Variants in NXN observed in about 807,000 individuals in gnomAD.
NXN encodes the protein nucleoredoxin 1.
A neutral mutation model predicts 48.6 loss-of-function variants in NXN; 16 were observed. The ratio of observed to expected loss-of-function variants is 0.33; its 90% CI spans 0.22 to 0.50. NXN has a LOEUF of 0.50. NXN is among the 20% of genes least tolerant of loss of function. The probability of loss-of-function intolerance (pLI) is 0.98; values close to 1 mark genes in which losing one functional copy is unlikely to be tolerated. For missense variants in NXN, 492 were observed against 605.5 expected, an observed-to-expected ratio of 0.81 and a Z score of 1.97; for synonymous variants, 281 against 269.6, an observed-to-expected ratio of 1.04 and a Z score of -0.41.
Position 841,407 on chromosome 17 carries a change from C to T in NXN, c.361-15329G>A, listed in dbSNP as rs796410705. Among the ~76,000 whole-genome samples, 119 of 65,600 alleles carry T rather than the reference C, an allele frequency of 1.8e-3. 1 individual carries two copies. Among genetic ancestry groups the T allele is most frequent in the Non-Finnish European group, 3.1e-3 (87 of 27,962 alleles). 43.0% of individuals were successfully genotyped at this position (65,600 alleles called of 152,430 possible). On this transcript the variant is annotated intron_variant, in intron 1 of 7. Coordinates refer to ENST00000336868, the MANE Select transcript of NXN (RefSeq NM_022463.5). ...GCATCTCACGCCGGCGAGCAGGTCC[C>T]CCCTGACCACGGCGCATCTCACACG...
intron 1 of NXN, among the ~76,000 whole-genome samples, chr17:875,562 A>G (rs1000221526): frequency 6.6e-6 from 1 of 151,996 alleles, no homozygotes; most frequent in African/African-American, 2.4e-5. Context: ...ACTAGTGTGA[A>G]ATGAAATAGG....
intron 1 of NXN, among the ~76,000 whole-genome samples, chr17:855,195 G>A (rs891243112): frequency 6.6e-6 from 1 of 152,168 alleles, no homozygotes; most frequent in Non-Finnish European, 1.5e-5. Flanking sequence ...AGGATCACTT[G>A]AGCCTAGGAG....
chr17:965,693 C>A (rs2150633784), intron 1 of NXN, among the ~76,000 whole-genome samples: 1 of 152,248 alleles, frequency 6.6e-6, no homozygotes, highest in Middle Eastern at 3.4e-3. Context: ...ACATTTTTAT[C>A]AACTGCTTGT....
At chr17:834,451 G>A (rs1193279075) in intron 1 of NXN, among the ~76,000 whole-genome samples, 1 of 152,124 alleles carries the variant, frequency 6.6e-6, no homozygotes, top group East Asian at 1.9e-4. Flanking sequence ...GTCTTGCTCT[G>A]TTGCCCAGGC....
At chr17:874,508 C>T (rs577041678) in intron 1 of NXN, among the ~76,000 whole-genome samples, 12 of 152,330 alleles carry the variant, frequency 7.9e-5, no homozygotes, top group Middle Eastern at 6.8e-3. Context: ...CGCTTGAACC[C>T]GAGAGGCAGA....
intron 1 of NXN, among the ~76,000 whole-genome samples, chr17:908,713 GA>G (rs1348637709): frequency 6.6e-6 from 1 of 152,130 alleles, no homozygotes; most frequent in Non-Finnish European, 1.5e-5. Context: ...ACTGTCTTCA[GA>G]CCAAAAATTC....
Position 979,531 on chromosome 17 carries a change from T to A in NXN, c.148A>T (p.Ser50Cys). 1 of 1,318,102 alleles carries A rather than the reference T, an allele frequency of 7.6e-7. No homozygotes were observed. The allele number at this position is 1,318,102 out of a possible 1,614,324, so 81.7% of individuals were successfully genotyped here. Residue 50 changes from serine to cysteine, a missense_variant, in exon 1 of 8, where the codon AGC becomes TGC. Coordinates refer to ENST00000336868, the MANE Select transcript of NXN (RefSeq NM_022463.5). ...CCGTAGAAGGCGGCCAGGCTGGCGC[T>A]GAGCTGCGCGCAGGGGGCGCTGAGG... ...CSLSAPCAQLSASLAAFYGRL... is the reference protein window; with the variant it reads ...CSLSAPCAQLCASLAAFYGRL...
intron 1 of NXN, among the ~76,000 whole-genome samples, chr17:871,391 C>T (rs537263626): frequency 7.5e-4 from 109 of 144,924 alleles, no homozygotes; most frequent in African/African-American, 2.5e-3. Context: ...TCGCAGCATA[C>T]GCATTCACTT....
chr17:815,291 C>T (rs28489451), intron 5 of NXN, among the ~76,000 whole-genome samples: 3,325 of 139,274 alleles, frequency 0.024, 104 homozygotes, highest in African/African-American at 0.084. Context: ...GACAAGGCAC[C>T]CACAGTTCAG....
intron 7 of NXN, 53 bp downstream of exon 7, chr17:803,629 G>T: frequency 6.2e-7 from 1 of 1,611,818 alleles, no homozygotes. Context: ...TCAGTCCTGT[G>T]CCAGAAGTCC....
chr17:891,749 T>TGCACGACCCAG (rs1379789737), intron 1 of NXN, among the ~76,000 whole-genome samples: 222 of 41,912 alleles, frequency 5.3e-3, no homozygotes, highest in South Asian at 6.7e-3. Flanking sequence ...GCACAGCCCA[T>TGCACGACCCAG]CAGGGAACCT....
intron 5 of NXN, among the ~76,000 whole-genome samples, chr17:817,136 T>C (rs1287915804): frequency 6.6e-6 from 1 of 152,058 alleles, no homozygotes; most frequent in Non-Finnish European, 1.5e-5. Flanking sequence ...AGACTATTAA[T>C]ACTCCAAGTG....
intron 1 of NXN, among the ~76,000 whole-genome samples, chr17:854,834 C>G (rs1031333664): frequency 3.3e-5 from 5 of 151,806 alleles, no homozygotes; most frequent in African/African-American, 9.7e-5. Context: ...CCGCAGGCAC[C>G]TGTAGTTCCA....
Position 919,340 on chromosome 17 carries a change from T to C in NXN, c.360+59979A>G, listed in dbSNP as rs1184742921. Among the ~76,000 whole-genome samples, 2 of 151,846 alleles carry C rather than the reference T, an allele frequency of 1.3e-5. No homozygotes were observed. The highest frequency in any genetic ancestry group is 6.6e-5 in the Admixed American group (1 of 15,192). On this transcript the variant is annotated intron_variant, in intron 1 of 7. Coordinates refer to ENST00000336868, the MANE Select transcript of NXN (RefSeq NM_022463.5). This position sits in a 1 kb window ranked among gnomAD's most constrained non-coding sequence, Gnocchi z 5.1. Reference sequence around the variant, plus strand: ...ATTGTGCCACTGTACTCCAGCCTGGTGACAGAGTGAGACTCTGTCTCAAAA... The same window carrying C: ...ATTGTGCCACTGTACTCCAGCCTGGCGACAGAGTGAGACTCTGTCTCAAAA...
At chr17:945,556 G>A (rs975801820) in intron 1 of NXN, among the ~76,000 whole-genome samples, 9 of 150,688 alleles carry the variant, frequency 6.0e-5, no homozygotes, top group Non-Finnish European at 1.2e-4. Context: ...GCGTGAACCC[G>A]GGAGGCAGAG....
intron 1 of NXN, among the ~76,000 whole-genome samples, chr17:960,169 C>A (rs941743664): frequency 7.2e-5 from 11 of 152,176 alleles, no homozygotes; most frequent in Non-Finnish European, 1.6e-4. Context: ...CGGAGGCCAC[C>A]ACCTAACACA....
At chr17:865,145 T>C (rs1379946808) in intron 1 of NXN, among the ~76,000 whole-genome samples, 1 of 152,184 alleles carries the variant, frequency 6.6e-6, no homozygotes, top group African/African-American at 2.4e-5. Flanking sequence ...CTGTGCTCCT[T>C]CAGTGGAAGC....
At position 812,134 on chromosome 17, in the gene NXN, A is replaced by G. The variant is rs11247559; in HGVS notation, c.821-6887T>C. ...AATAGAGACGGGGTTTCACCGTGTTAGCCAGGACGGTCTCGATCTCCTGAC... is the reference window on the plus strand; with the variant it reads ...AATAGAGACGGGGTTTCACCGTGTTGGCCAGGACGGTCTCGATCTCCTGAC... On this transcript the variant is annotated intron_variant, in intron 5 of 7. Transcript: ENST00000336868. Among the ~76,000 whole-genome samples the G allele has an allele frequency of 8.5e-3, 1,274 of 149,836 alleles. 24 individuals carry two copies. Among genetic ancestry groups the G allele is most frequent in the African/African-American group, 0.029 (1,186 of 40,566 alleles).
rs2069487368 is a variant in NXN at position 978,472 on chromosome 17, G to GGGGTCA, written c.360+841_360+846dup. 1.3e-5 allele frequency: 2 copies of GGGGTCA among 152,424 alleles called. 1 individual carries two copies. 9.4% of individuals were successfully genotyped at this position (152,424 alleles called of 1,614,324 possible). A position where few individuals can be genotyped will look rare whatever the true frequency, so the allele number is the denominator to read the frequency against. ...CTTCTTCCAGTCAATGTGCATCGAT[G>GGGGTCA]GGGTCAGCTCAGCCCTTAACTCGAA... On this transcript the variant is annotated intron_variant, in intron 1 of 7. Coordinates refer to ENST00000336868, the MANE Select transcript of NXN (RefSeq NM_022463.5). This position sits in a 1 kb window ranked among gnomAD's most constrained non-coding sequence, Gnocchi z 4.1.
Sources: gnomAD v4.1 joint callset for allele counts (sites outside exome capture counted in the v4.1 genomes callset) on GRCh38, gnomAD v4.1.1 for gene constraint, Gnocchi (gnomAD v3.1) non-coding constraint, MANE v1.5 for transcripts, NCBI Gene and HGNC (gene_info 2026-07-23, HGNC 2026-07-21) for gene names.